MIPEP: variants seen among roughly 807,000 people sequenced by gnomAD.
MIPEP encodes mitochondrial intermediate peptidase.
Under a neutral mutation model 90.3 loss-of-function variants are expected in MIPEP, and 79 were observed. The observed-to-expected ratio is 0.87, with a 90% CI of 0.73 to 1.05. The LOEUF (loss-of-function observed/expected upper bound fraction) is 1.05. Ranked by LOEUF, MIPEP falls within the 50% of genes least tolerant of loss-of-function variation. The pLI is 0.00. For missense variants in MIPEP, 940 were observed against 905.6 expected (o/e 1.04, Z -0.49); for synonymous variants, 334 against 315.8 (o/e 1.06, Z -0.61).
chr13:23,747,985 C>T (rs781554869), intron 18 of MIPEP, among the ~76,000 whole-genome samples: 4 of 152,108 alleles, frequency 2.6e-5, no homozygotes, highest in East Asian at 1.9e-4. Flanking sequence ...GTGATCAGCC[C>T]GCCTCGGCTT....
At chr13:23,806,766 G>A (rs1325816810) in intron 15 of MIPEP, among the ~76,000 whole-genome samples, 4 of 133,310 alleles carry the variant, frequency 3.0e-5, no homozygotes, top group Middle Eastern at 4.1e-3. Flanking sequence ...CTATCTATCT[G>A]TAGGCAGAAA....
intron 18 of MIPEP, among the ~76,000 whole-genome samples, chr13:23,730,873 T>C (rs1952197386): frequency 6.6e-6 from 1 of 152,212 alleles, no homozygotes; most frequent in African/African-American, 2.4e-5. Context: ...AATTCTTTTA[T>C]AGAAATCTTA....
At chr13:23,767,042 G>A (rs1200675463) in intron 16 of MIPEP, among the ~76,000 whole-genome samples, 1 of 152,172 alleles carries the variant, frequency 6.6e-6, no homozygotes, top group Non-Finnish European at 1.5e-5. Flanking sequence ...AACCTGGGGG[G>A]CCCTCTAGGA....
At position 23,879,183 on chromosome 13, in the gene MIPEP, G is replaced by A. The variant is rs564176112; in HGVS notation, c.539+85C>T. The A allele has an allele frequency of 6.9e-5, 53 of 768,966 alleles. No homozygotes were observed. In the East Asian group the frequency reaches 1.2e-3, roughly 18 times the overall value. The allele number at this position is 768,966 out of a possible 1,614,324, so 47.6% of individuals were successfully genotyped here. On this transcript the variant is annotated intron_variant, in intron 4 of 18. Transcript: ENST00000382172. ...AGGAACATTCCAGACAACAGAGGCT[G>A]CAAGTACAGAGGCCCTGAGGGAGAG...
Position 23,870,104 on chromosome 13 carries a change from T to C in MIPEP, c.695A>G (p.His232Arg), listed in dbSNP as rs769822263. The change falls in exon 6 of 19, where the codon CAT (histidine) becomes CGT (arginine). Residue 232 changes from histidine to arginine, a missense_variant. Transcript: ENST00000382172. ...GTNFPNKIEK[H>R]LLPEHIRRNF... ...ACGACGAATGTGTTCTGGTAAGAGA[T>C]GCTTCTCAATCTTGTTGGGAAAATT... is the stretch of plus-strand genomic sequence containing the variant. The C allele has an allele frequency of 3.5e-5, 56 of 1,612,724 alleles. No homozygotes were observed. The Middle Eastern group carries it at 4.9e-4, about 14-fold the overall frequency.
At position 23,886,511 on chromosome 13, in the gene MIPEP, G is replaced by A. The variant is rs754673931; in HGVS notation, c.190-5C>T. ...CTCAGGAACTCCAAAAAGACCCTTA[G>A]AACCAAAGAATACGTCTGATTTATA... On this transcript the variant is annotated splice_region_variant and splice_polypyrimidine_tract_variant and intron_variant, in intron 1 of 18. Coordinates refer to ENST00000382172, the MANE Select transcript of MIPEP (RefSeq NM_005932.4). 4.5e-6 allele frequency: 7 copies of A among 1,553,552 alleles called. No homozygotes were observed. In the East Asian group the frequency reaches 1.7e-4, roughly 37 times the overall value.
intron 16 of MIPEP, among the ~76,000 whole-genome samples, chr13:23,803,319 C>T (rs1010263414): frequency 2.6e-5 from 4 of 152,130 alleles, no homozygotes; most frequent in East Asian, 3.9e-4. Flanking sequence ...GCCAATACTG[C>T]GCCACTGCAC....
intron 18 of MIPEP, among the ~76,000 whole-genome samples, chr13:23,746,782 C>T (rs1952388836): frequency 6.6e-6 from 1 of 152,056 alleles, no homozygotes; most frequent in African/African-American, 2.4e-5. Flanking sequence ...ACACTGACAT[C>T]ATCTAAAAAT....
chr13:23,875,065 T>TACACACACACAC (rs1430658157), intron 4 of MIPEP, among the ~76,000 whole-genome samples, 156 bp from the exon 5 acceptor site: 1 of 102,710 alleles, frequency 9.7e-6, no homozygotes, highest in African/African-American at 3.2e-5. Context: ...CACACACACT[T>TACACACACACAC]TGTTTTAAAC....
chr13:23,768,609 C>T (rs1952616910), intron 16 of MIPEP, among the ~76,000 whole-genome samples: 1 of 152,088 alleles, frequency 6.6e-6, no homozygotes, highest in Admixed American at 6.6e-5. Flanking sequence ...TGGTAGCCCA[C>T]CTATAGTCCC....
chr13:23,747,452 T>G, intron 18 of MIPEP: 1 of 452,142 alleles, frequency 2.2e-6, no homozygotes, highest in South Asian at 1.6e-5. Context: ...ATCTAGCTGC[T>G]TAACAGTCAG....
intron 14 of MIPEP, among the ~76,000 whole-genome samples, chr13:23,817,004 C>T (rs6490828): frequency 0.99 from 150,365 of 152,278 alleles, 74,277 homozygotes; most frequent in East Asian, 1. Context: ...CTGTATCTCT[C>T]TGGATTCAGA....
intron 3 of MIPEP, among the ~76,000 whole-genome samples, chr13:23,881,262 C>T (rs184743417): frequency 1.3e-5 from 2 of 152,170 alleles, no homozygotes. Context: ...GCCATTGATG[C>T]AACAGCAATT....
intron 18 of MIPEP, among the ~76,000 whole-genome samples, chr13:23,732,982 A>C (rs1231500235): frequency 6.6e-6 from 1 of 152,218 alleles, no homozygotes; most frequent in Non-Finnish European, 1.5e-5. Flanking sequence ...CTAGGTGTAA[A>C]ATGTACTGAT....
intron 14 of MIPEP, among the ~76,000 whole-genome samples, chr13:23,834,990 C>A (rs1009508982): frequency 6.6e-6 from 1 of 151,466 alleles, no homozygotes; most frequent in African/African-American, 2.4e-5. Flanking sequence ...TGAAGAGTCA[C>A]TCAGATTACT....
intron 4 of MIPEP, among the ~76,000 whole-genome samples, chr13:23,877,976 A>G (rs951557298): frequency 6.6e-6 from 1 of 152,178 alleles, no homozygotes; most frequent in African/African-American, 2.4e-5. Context: ...CCCTATTGGC[A>G]TTTTTAATAA....
chr13:23,762,857 T>A (rs1331364888), intron 16 of MIPEP, among the ~76,000 whole-genome samples: 1 of 152,206 alleles, frequency 6.6e-6, no homozygotes, highest in Non-Finnish European at 1.5e-5. Flanking sequence ...CTGAGGCTGC[T>A]GGAGGTGCAA....
At chr13:23,789,356 T>C (rs887403335) in intron 16 of MIPEP, among the ~76,000 whole-genome samples, 1 of 152,230 alleles carries the variant, frequency 6.6e-6, no homozygotes, top group East Asian at 1.9e-4. Context: ...TATCTGTCTA[T>C]AGAAGCCTTT....
chr13:23,789,862 C>A (rs4620817), intron 16 of MIPEP, among the ~76,000 whole-genome samples: 17 of 152,152 alleles, frequency 1.1e-4, no homozygotes, highest in African/African-American at 4.1e-4. Context: ...CCTGTGGATA[C>A]CCATGACTAT....
Sources: gnomAD v4.1 joint callset for allele counts (sites outside exome capture counted in the v4.1 genomes callset) on GRCh38, gnomAD v4.1.1 for gene constraint, MANE v1.5 for transcripts, NCBI Gene and HGNC (gene_info 2026-07-23, HGNC 2026-07-21) for gene names.